The following FAAH2 variants were observed in gnomAD, a reference collection of about 807,000 sequenced individuals.
FAAH2 encodes the protein fatty-acid amide hydrolase 2.
A neutral mutation model predicts 36.9 loss-of-function variants in FAAH2; 60 were observed. That is an observed-to-expected ratio of 1.63 (90% CI 1.32 to 2.02). The LOEUF (loss-of-function observed/expected upper bound fraction) is 2.02, where lower values mean the gene tolerates loss of function less well. FAAH2 is among the 30% of genes most tolerant of loss of function. FAAH2 has a pLI of 0.00. For synonymous variants in FAAH2, 214 were observed against 143.8 expected, an observed-to-expected ratio of 1.49 and a Z score of -3.49; for missense variants, 689 against 397.5, an observed-to-expected ratio of 1.73 and a Z score of -6.23.
chrX:57,361,720 A>T lies in FAAH2; in HGVS notation c.743-16931A>T, dbSNP rs181014003. 9.0e-5 allele frequency among the ~76,000 whole-genome samples: 10 copies of T among 111,291 alleles called. No homozygotes were observed. In the Admixed American group the frequency reaches 9.6e-4, roughly 11 times the overall value. On this transcript the variant is annotated intron_variant, in intron 5 of 10. Transcript: ENST00000374900. ...TAGCCCAATATGTGTTCTCTCTTGGAGAATGTCCATGAAATGATGAGAAGG... is the reference window on the plus strand; with the variant it reads ...TAGCCCAATATGTGTTCTCTCTTGGTGAATGTCCATGAAATGATGAGAAGG...
intron 7 of FAAH2, among the ~76,000 whole-genome samples, chrX:57,426,890 AAAC>A (rs1404039866): frequency 9.0e-6 from 1 of 111,465 alleles, no homozygotes; most frequent in African/African-American, 3.2e-5. Flanking sequence ...GAAAAATAAC[AAAC>A]ATCAGAGCAA....
At chrX:57,366,127 G>T (rs922130094) in intron 5 of FAAH2, among the ~76,000 whole-genome samples, 2 of 98,613 alleles carry the variant, frequency 2.0e-5, no homozygotes, top group Admixed American at 2.4e-4. Flanking sequence ...CAGAGTTCTT[G>T]CACTATTTCT....
chrX:57,303,101 T>G (rs2052424751), intron 2 of FAAH2, among the ~76,000 whole-genome samples: 1 of 111,608 alleles, frequency 9.0e-6, no homozygotes, highest in South Asian at 3.8e-4. Flanking sequence ...GTGTACATAC[T>G]TAAGGCACTA....
the FAAH2 span, among the ~76,000 whole-genome samples, chrX:57,146,007 T>A: frequency 5.5e-4 from 60 of 109,768 alleles, no homozygotes; most frequent in East Asian, 0.015. Context: ...CTCCAAATTT[T>A]TTTTTTTCTT....
chrX:57,287,704 A>T (rs1274434709), intron 1 of FAAH2, among the ~76,000 whole-genome samples: 2 of 111,698 alleles, frequency 1.8e-5, no homozygotes, highest in East Asian at 5.6e-4. Flanking sequence ...AGGACTATTC[A>T]TCTCTGTCAT....
At chrX:57,305,063 T>TGG (rs1491285289) in intron 2 of FAAH2, among the ~76,000 whole-genome samples, 1 of 8,066 alleles carries the variant, frequency 1.2e-4, no homozygotes, top group Admixed American at 5.0e-3. Context: ...TCTGTAATTT[T>TGG]GTGTGTGTGT....
At chrX:57,182,991 TGAG>T in the FAAH2 span, among the ~76,000 whole-genome samples, 1 of 110,219 alleles carries the variant, frequency 9.1e-6, no homozygotes, top group South Asian at 3.8e-4. Context: ...AGCTAAATGA[TGAG>T]GACACACACA....
chrX:57,190,443 A>AG, the FAAH2 span, among the ~76,000 whole-genome samples: 5 of 81,494 alleles, frequency 6.1e-5, no homozygotes, highest in African/African-American at 1.4e-4. Context: ...CCACTGTGGT[A>AG]GAAAAAAAAA....
intron 10 of FAAH2, among the ~76,000 whole-genome samples, chrX:57,476,291 G>A (rs1033468317): frequency 1.3e-4 from 14 of 111,012 alleles, no homozygotes; most frequent in Non-Finnish European, 2.1e-4. Context: ...CAAAGGGAAT[G>A]CTTCCAGCTT....
the FAAH2 span, among the ~76,000 whole-genome samples, chrX:57,222,574 A>T: frequency 3.6e-5 from 4 of 111,305 alleles, no homozygotes; most frequent in Non-Finnish European, 5.7e-5. Context: ...CCAACCTAAC[A>T]GTTTATTCAA....
At chrX:57,376,883 G>A (rs1293768394) in intron 5 of FAAH2, among the ~76,000 whole-genome samples, 1 of 112,277 alleles carries the variant, frequency 8.9e-6, no homozygotes, top group Non-Finnish European at 1.9e-5. Flanking sequence ...TTGTGGTTTT[G>A]ATTTGCATTT....
At chrX:57,402,471 A>G (rs1249741549) in intron 7 of FAAH2, among the ~76,000 whole-genome samples, 1 of 111,462 alleles carries the variant, frequency 9.0e-6, no homozygotes, top group East Asian at 2.8e-4. Flanking sequence ...TCTCTATTAT[A>G]AAAAACTGAG....
At chrX:57,252,968 G>A in the FAAH2 span, among the ~76,000 whole-genome samples, 4 of 111,453 alleles carry the variant, frequency 3.6e-5, no homozygotes, top group Non-Finnish European at 7.5e-5. Context: ...AAACTTCTCC[G>A]AGCTAAAGGA....
the FAAH2 span, among the ~76,000 whole-genome samples, chrX:57,162,845 CCTT>C: frequency 8.9e-6 from 1 of 112,820 alleles, no homozygotes; most frequent in African/African-American, 3.2e-5. Context: ...TTGTCTGAAG[CCTT>C]CTTCTCTCAG....
intron 8 of FAAH2, among the ~76,000 whole-genome samples, chrX:57,446,055 G>A (rs1033570776): frequency 6.2e-5 from 7 of 112,295 alleles, no homozygotes; most frequent in African/African-American, 1.6e-4. Context: ...CTGCTTTGGT[G>A]CTAGCATAAT....
intron 10 of FAAH2, among the ~76,000 whole-genome samples, chrX:57,478,251 AT>A (rs1463812160): frequency 9.0e-6 from 1 of 111,246 alleles, no homozygotes; most frequent in Non-Finnish European, 1.9e-5. Context: ...AATGGTGAGC[AT>A]TTTTTCATGT....
At chrX:57,330,630 A>G (rs2053375658) in intron 3 of FAAH2, among the ~76,000 whole-genome samples, 1 of 111,460 alleles carries the variant, frequency 9.0e-6, no homozygotes, top group African/African-American at 3.3e-5. Flanking sequence ...CGTCCCTAAT[A>G]AAAACTTGCT....
chrX:57,373,704 G>C (rs2054605652), intron 5 of FAAH2, among the ~76,000 whole-genome samples: 1 of 111,506 alleles, frequency 9.0e-6, no homozygotes, highest in Non-Finnish European at 1.9e-5. Flanking sequence ...CTTTTGCCAT[G>C]CAAAAGCTCT....
In FAAH2 at chrX:57,331,698, T is replaced by C; in HGVS notation, c.513T>C (p.Leu171=). 8.3e-7 allele frequency: 1 copy of C among 1,211,516 alleles called. No homozygotes were observed. The highest frequency in any genetic ancestry group is 1.1e-6 in the Non-Finnish European group (1 of 895,339). The part of the protein sequence containing the change: ...ALLKGAGAIP[L]GITNCSELCM... ...TGAAGGGAGCTGGTGCCATTCCTCT[T>C]GGCATAACCAACTGTAGTGAGTTGT... Residue 171 remains leucine, a synonymous_variant, in exon 4 of 11, where the codon CTT becomes CTC. Transcript: ENST00000374900.
Sources: allele counts gnomAD v4.1 joint callset (sites outside exome capture counted in the v4.1 genomes callset), GRCh38; gene constraint gnomAD v4.1.1; transcripts MANE v1.5; gene names NCBI Gene and HGNC (gene_info 2026-07-23, HGNC 2026-07-21).